DCT: variants seen among roughly 807,000 people sequenced by gnomAD.
The protein encoded by DCT is L-dopachrome tautomerase.
A neutral mutation model predicts 53.0 loss-of-function variants in DCT; 47 were observed. The observed-to-expected ratio is 0.89, with a 90% CI of 0.70 to 1.13. DCT has a LOEUF of 1.13. Ranked by LOEUF, DCT falls within the 50% of genes most tolerant of loss-of-function variation. The pLI, the probability that DCT is intolerant of heterozygous loss-of-function variation, is 0.00. For synonymous variants in DCT, 244 were observed against 237.0 expected (o/e 1.03, Z -0.27); for missense variants, 669 against 637.4 (o/e 1.05, Z -0.53).
At chr13:94,446,513 C>T (rs1015943434) in intron 6 of DCT, among the ~76,000 whole-genome samples, 1 of 152,120 alleles carries the variant, frequency 6.6e-6, no homozygotes, top group African/African-American at 2.4e-5. Context: ...AGTGTTTGCT[C>T]AATTACCCAA....
the DCT span, among the ~76,000 whole-genome samples, chr13:94,544,658 G>A: frequency 6.6e-6 from 1 of 152,086 alleles, no homozygotes; most frequent in Admixed American, 6.5e-5. Context: ...TATATATGAA[G>A]GATGATTGTA....
chr13:94,445,520 C>T (rs1882658226), intron 6 of DCT, among the ~76,000 whole-genome samples: 1 of 152,218 alleles, frequency 6.6e-6, no homozygotes, highest in African/African-American at 2.4e-5. Context: ...CACCATCTGA[C>T]TGCAGCTGCA....
chr13:94,494,554 ATGTGTGG>A, the DCT span, among the ~76,000 whole-genome samples: 1 of 152,072 alleles, frequency 6.6e-6, no homozygotes, highest in South Asian at 2.1e-4. Flanking sequence ...TAGGAAGTAA[ATGTGTGG>A]AATTTTGTTT....
At chr13:94,517,306 T>C in the DCT span, among the ~76,000 whole-genome samples, 34 of 152,344 alleles carry the variant, frequency 2.2e-4, no homozygotes, top group African/African-American at 8.2e-4. Context: ...TCAAGGTCCA[T>C]GTTGACACTC....
In DCT at chr13:94,479,249, G is replaced by A. The variant is rs747299350; in HGVS notation, c.7C>T (p.Pro3Ser). The A allele has an allele frequency of 7.0e-6, 11 of 1,574,982 alleles. No individual in the cohort carries two copies. The highest frequency in any genetic ancestry group is 9.5e-6 in the Non-Finnish European group (11 of 1,154,850). The change falls in exon 1 of 8, where the codon CCC becomes TCC. Residue 3 changes from proline to serine, a missense_variant. Physicochemically the swap from Pro to Ser is moderately conservative, Grantham distance 74 (BLOSUM62 -1). Transcript: ENST00000377028. MS[P>S]LWWGFLLSCL... is the part of the protein sequence containing the mutation. ...CTGAGCAGAAACCCCCACCAAAGGG[G>A]GCTCATGGCTTTATAATTGGGAGAG... is the stretch of plus-strand genomic sequence containing the variant.
At position 94,479,274 on chromosome 13, in the gene DCT, G is replaced by T; in HGVS notation, c.-19C>A. The T allele has an allele frequency of 6.6e-7, 1 of 1,521,582 alleles. No individual in the cohort carries two copies. The highest frequency in any genetic ancestry group is 8.9e-7 in the Non-Finnish European group (1 of 1,123,840). 94.3% of individuals were successfully genotyped at this position (1,521,582 alleles called of 1,614,324 possible). A position where few individuals can be genotyped will look rare whatever the true frequency, so the allele number is the denominator to read the frequency against. ...GGCTCATGGCTTTATAATTGGGAGA[G>T]CTCTCTCTCTCTCTTACTTTCCTTG... is the stretch of plus-strand genomic sequence containing the variant. On this transcript the variant is annotated 5_prime_UTR_variant, in exon 1 of 8. Transcript: ENST00000377028.
chr13:94,458,785 G>C (rs1883583894), intron 6 of DCT, among the ~76,000 whole-genome samples: 1 of 152,082 alleles, frequency 6.6e-6, no homozygotes. Context: ...CTGGGCAGTG[G>C]AGCAAGACTC....
intron 1 of DCT, among the ~76,000 whole-genome samples, chr13:94,472,643 G>A (rs1245318276): frequency 9.4e-5 from 12 of 127,762 alleles, no homozygotes; most frequent in African/African-American, 2.7e-4. Flanking sequence ...GTGCAGTGAC[G>A]TGATCTCAGC....
chr13:94,536,910 C>T, the DCT span, among the ~76,000 whole-genome samples: 3 of 152,158 alleles, frequency 2.0e-5, no homozygotes, highest in Admixed American at 6.5e-5. Flanking sequence ...CGCCACTGCA[C>T]TCCAACCTGG....
chr13:94,451,552 G>A (rs1039069664), intron 6 of DCT, among the ~76,000 whole-genome samples: 3 of 152,176 alleles, frequency 2.0e-5, no homozygotes, highest in African/African-American at 7.2e-5. Flanking sequence ...TCTCTAAACT[G>A]TATTTTCCCT....
At position 94,468,769 on chromosome 13, in the gene DCT, T is replaced by A. The variant is rs1366289505; in HGVS notation, c.572A>T (p.Tyr191Phe). Reference protein sequence around the residue: ...VYDFFVWLHYYSVRDTLLGPG... With the variant: ...VYDFFVWLHYFSVRDTLLGPG... ...ACCTAATAATGTATCTCTAACAGAA[T>A]AATAATGGAGCCACACAAAAAAATC... Residue 191 changes from tyrosine (Y) to phenylalanine (F), a missense_variant, in exon 2 of 8, where the codon TAT (tyrosine) becomes TTT (phenylalanine). Coordinates refer to ENST00000377028, the MANE Select transcript of DCT (RefSeq NM_001922.5). The A allele has an allele frequency of 6.2e-7, 1 of 1,614,100 alleles. No homozygotes were observed. The highest frequency in any genetic ancestry group is 2.2e-5 in the East Asian group (1 of 44,878).
At chr13:94,530,961 T>A in the DCT span, among the ~76,000 whole-genome samples, 1 of 152,142 alleles carries the variant, frequency 6.6e-6, no homozygotes, top group African/African-American at 2.4e-5. Context: ...ATAAAATCAA[T>A]GTGCAAAAAT....
intron 4 of DCT, among the ~76,000 whole-genome samples, chr13:94,462,747 T>G (rs776049637): frequency 6.6e-6 from 1 of 152,188 alleles, no homozygotes; most frequent in African/African-American, 2.4e-5. Context: ...TCATTACCAT[T>G]CTGTTGGAAA....
intron 6 of DCT, among the ~76,000 whole-genome samples, chr13:94,444,767 T>G (rs1328881494): frequency 6.6e-6 from 1 of 152,214 alleles, no homozygotes; most frequent in Non-Finnish European, 1.5e-5. Context: ...ACTTATTCAG[T>G]GTATTCATTC....
the DCT span, among the ~76,000 whole-genome samples, chr13:94,496,631 T>C: frequency 4.8e-4 from 73 of 152,160 alleles, no homozygotes; most frequent in Non-Finnish European, 8.4e-4. Flanking sequence ...CACAGAAAAA[T>C]GAGACGTGAA....
chr13:94,460,908 CT>C (rs1435328311), intron 5 of DCT, among the ~76,000 whole-genome samples: 2 of 152,088 alleles, frequency 1.3e-5, no homozygotes, highest in African/African-American at 2.4e-5. Context: ...AAACTGGATT[CT>C]CTCTCTCTCT....
intron 4 of DCT, among the ~76,000 whole-genome samples, chr13:94,463,003 T>C (rs1308160510): frequency 6.6e-6 from 1 of 152,196 alleles, no homozygotes; most frequent in Admixed American, 6.5e-5. Context: ...TGTTCCAAGG[T>C]AGTAGAGTAT....
At chr13:94,508,920 T>C in the DCT span, among the ~76,000 whole-genome samples, 6 of 152,140 alleles carry the variant, frequency 3.9e-5, no homozygotes, top group African/African-American at 1.2e-4. Context: ...TAAACGACTT[T>C]GAAAGTCTCT....
At chr13:94,488,872 AT>A in the DCT span, among the ~76,000 whole-genome samples, 1 of 150,218 alleles carries the variant, frequency 6.7e-6, no homozygotes, top group South Asian at 2.1e-4. Flanking sequence ...ATACACACAC[AT>A]ACACACACAA....
Sources: gnomAD v4.1 joint callset for allele counts (sites outside exome capture counted in the v4.1 genomes callset) on GRCh38, gnomAD v4.1.1 for gene constraint, MANE v1.5 for transcripts, NCBI Gene and HGNC (gene_info 2026-07-23, HGNC 2026-07-21) for gene names.